The following MS4A14 variants were observed in gnomAD, a reference collection of about 807,000 sequenced individuals.
MS4A14 encodes membrane spanning 4-domains A14, also known as membrane-spanning 4-domains subfamily A member 14.
A neutral mutation model predicts 16.7 loss-of-function variants in MS4A14; 18 were observed. The ratio of observed to expected loss-of-function variants is 1.08; its 90% confidence interval spans 0.75 to 1.60. The LOEUF is 1.60. Ranked by LOEUF, MS4A14 falls within the 40% of genes most tolerant of loss-of-function variation. The pLI, the probability that MS4A14 is intolerant of heterozygous loss-of-function variation, is 0.00. For synonymous variants in MS4A14, 305 were observed against 289.4 expected, an observed-to-expected ratio of 1.05 and a Z score of -0.55; for missense variants, 812 against 775.3, an observed-to-expected ratio of 1.05 and a Z score of -0.56.
Position 60,396,716 on chromosome 11 carries a change from G to A in MS4A14, c.138G>A (p.Gly46=), listed in dbSNP as rs2085628018. ...TGAAGGGAGAGCCAAGAGTCTTGGGGGTAAGTCCTCTCCAGTCAATAGGTC... is the reference window on the plus strand; with the variant it reads ...TGAAGGGAGAGCCAAGAGTCTTGGGAGTAAGTCCTCTCCAGTCAATAGGTC... The part of the protein sequence containing the change: ...DFLKGEPRVL[G]ATQILLALII... Residue 46 remains glycine, a splice_region_variant and synonymous_variant, in exon 1 of 5, where the codon GGG becomes GGA. Transcript: ENST00000300187. 2 of 1,613,180 alleles carry A rather than the reference G, an allele frequency of 1.2e-6. No homozygotes were observed. Among genetic ancestry groups the A allele is most frequent in the Admixed American group, 1.7e-5 (1 of 59,896 alleles).
chr11:60,397,915 A>G lies in MS4A14; in HGVS notation c.202A>G (p.Ile68Val), dbSNP rs775629964. The change falls in exon 2 of 5, where the codon ATC becomes GTC. Residue 68 changes from isoleucine to valine, a missense_variant. Physicochemically the swap from Ile to Val is conservative, Grantham distance 29. Transcript: ENST00000300187. ...GFGTIFALNY[I>V]GFSQRLPLVV... ...TGGAACTATATTTGCACTTAATTACATCGGTTTCTCCCAAAGACTTCCCCT... is the reference window on the plus strand; with the variant it reads ...TGGAACTATATTTGCACTTAATTACGTCGGTTTCTCCCAAAGACTTCCCCT... 1 of 1,613,414 alleles carries G rather than the reference A, an allele frequency of 6.2e-7. No individual in the cohort carries two copies. The highest frequency in any genetic ancestry group is 8.5e-7 in the Non-Finnish European group (1 of 1,179,490).
chr11:60,405,877 C>T (rs2135135724), intron 4 of MS4A14: 1 of 1,512,994 alleles, frequency 6.6e-7, no homozygotes, highest in Non-Finnish European at 8.9e-7. Flanking sequence ...TATTTCTCCT[C>T]ATTATTTGCA....
intron 4 of MS4A14, among the ~76,000 whole-genome samples, chr11:60,408,889 A>T (rs930554870): frequency 3.9e-5 from 6 of 152,280 alleles, no homozygotes; most frequent in Non-Finnish European, 7.4e-5. Flanking sequence ...ATTGTTTTTC[A>T]CCTTCGTTGC....
Position 60,417,169 on chromosome 11 carries a change from TCAAGACACTCAAGA to T in MS4A14, c.*162_*175del. ...CAACAGCCCAACATAACCTAGAATGTCAAGACACTCAAGATAAAGACCAACAAGACCTTCAATCC... is the reference window on the plus strand; with the variant it reads ...CAACAGCCCAACATAACCTAGAATGTTAAAGACCAACAAGACCTTCAATCC... On this transcript the variant is annotated 3_prime_UTR_variant, in exon 5 of 5. Coordinates refer to ENST00000300187, the MANE Select transcript of MS4A14 (RefSeq NM_032597.5). 1 of 784,450 alleles carries T rather than the reference TCAAGACACTCAAGA, an allele frequency of 1.3e-6. No individual in the cohort carries two copies. Among genetic ancestry groups the T allele is most frequent in the Non-Finnish European group, 1.9e-6 (1 of 518,744 alleles). The allele number at this position is 784,450 out of a possible 1,614,324, so 48.6% of individuals were successfully genotyped here. A position where few individuals can be genotyped will look rare whatever the true frequency, so the allele number is the denominator to read the frequency against.
chr11:60,400,940 A>G (rs562779740), intron 3 of MS4A14, among the ~76,000 whole-genome samples: 7 of 152,198 alleles, frequency 4.6e-5, no homozygotes, highest in Admixed American at 4.6e-4. Flanking sequence ...ACCAAAACCA[A>G]TCCTAAGCTC....
At chr11:60,404,799 C>G in intron 4 of MS4A14, 1 of 290,204 alleles carries the variant, frequency 3.4e-6, no homozygotes, top group Non-Finnish European at 6.9e-6. Flanking sequence ...GCATAGCTCC[C>G]AATCCTTCTT....
At chr11:60,402,824 A>T in intron 3 of MS4A14, 88 bp from the exon 4 acceptor site, 2 of 1,313,554 alleles carry the variant, frequency 1.5e-6, no homozygotes, top group South Asian at 2.7e-5. Context: ...AAGTATCTGG[A>T]AAGATAAAAG....
intron 4 of MS4A14, among the ~76,000 whole-genome samples, chr11:60,411,821 A>G (rs911116661): frequency 6.6e-6 from 1 of 152,200 alleles, no homozygotes; most frequent in African/African-American, 2.4e-5. Flanking sequence ...CAGCAGTGAA[A>G]GAAAGCATTC....
At position 60,415,845 on chromosome 11, in the gene MS4A14, C is replaced by A. The variant is rs142839945; in HGVS notation, c.877C>A (p.Leu293Ile). The A allele has an allele frequency of 2.9e-5, 46 of 1,613,750 alleles. 1 individual carries two copies. In the South Asian group the frequency reaches 4.8e-4, roughly 17 times the overall value. ...IVQPSQMQTK[L>I]LQDQAASLQV... Reference sequence around the variant, plus strand: ...ACAACCTTCTCAAATGCAAACCAAGCTTCTGCAGGACCAAGCTGCGTCACT... The same window carrying A: ...ACAACCTTCTCAAATGCAAACCAAGATTCTGCAGGACCAAGCTGCGTCACT... The change falls in exon 5 of 5, where the codon CTT becomes ATT. Residue 293 changes from leucine (L) to isoleucine (I), a missense_variant. Transcript: ENST00000300187.
intron 4 of MS4A14, among the ~76,000 whole-genome samples, chr11:60,405,237 G>A (rs2085770134): frequency 6.6e-6 from 1 of 152,016 alleles, no homozygotes; most frequent in African/African-American, 2.4e-5. Context: ...GCACCACCAG[G>A]CCCAGCTAAT....
chr11:60,413,062 A>G (rs1190217071), intron 4 of MS4A14, among the ~76,000 whole-genome samples: 1 of 151,954 alleles, frequency 6.6e-6, no homozygotes, highest in Non-Finnish European at 1.5e-5. Context: ...CCTTATGCAT[A>G]CTTTGTTAAA....
At position 60,416,139 on chromosome 11, in the gene MS4A14, C is replaced by A. The variant is rs760082558; in HGVS notation, c.1171C>A (p.Pro391Thr). 6.2e-7 allele frequency: 1 copy of A among 1,611,418 alleles called. No homozygotes were observed. Among genetic ancestry groups the A allele is most frequent in the Non-Finnish European group, 8.5e-7 (1 of 1,178,836 alleles). Residue 391 changes from proline to threonine, a missense_variant, in exon 5 of 5, where the codon CCA becomes ACA. By Grantham distance (38) the Pro-to-Thr change is conservative. Transcript: ENST00000300187. ...CCTAGATATGCTATCTCAAGACACA[C>A]CATCCCACGCCATGCCACCTCAAGA... is the stretch of plus-strand genomic sequence containing the variant. ...QSLDMLSQDT[P>T]SHAMPPQDIP...
chr11:60,416,677 A>C lies in MS4A14; in HGVS notation c.1709A>C (p.Gln570Pro). 6.2e-7 allele frequency: 1 copy of C among 1,613,956 alleles called. No individual in the cohort carries two copies. Among genetic ancestry groups the C allele is most frequent in the African/African-American group, 1.3e-5 (1 of 75,052 alleles). ...QLPDQQAEDQ[Q>P]AKGEQYPEGQ... ...CCAGATCAGCAAGCTGAAGATCAGC[A>C]AGCCAAAGGGGAACAATACCCAGAA... The change falls in exon 5 of 5, where the codon CAA (glutamine) becomes CCA (proline). Residue 570 changes from glutamine (Q) to proline (P), a missense_variant. By Grantham distance (76) the Gln-to-Pro change is moderately conservative. Transcript: ENST00000300187.
At chr11:60,399,167 T>A (rs769774518) in intron 2 of MS4A14, among the ~76,000 whole-genome samples, 5 of 152,190 alleles carry the variant, frequency 3.3e-5, no homozygotes, top group Non-Finnish European at 5.9e-5. Context: ...AGACTAGACA[T>A]GAAAAAGTCA....
At chr11:60,406,865 ATAAG>A (rs2085793580) in intron 4 of MS4A14, among the ~76,000 whole-genome samples, 2 of 152,262 alleles carry the variant, frequency 1.3e-5, no homozygotes, top group East Asian at 1.9e-4. Context: ...TCATGGAATC[ATAAG>A]TAAGTACTCT....
At chr11:60,414,520 A>T (rs1306222642) in intron 4 of MS4A14, among the ~76,000 whole-genome samples, 1 of 152,146 alleles carries the variant, frequency 6.6e-6, no homozygotes, top group Non-Finnish European at 1.5e-5. Context: ...TCATGGAGTC[A>T]GAATAAAAAG....
intron 2 of MS4A14, 35 bp downstream of exon 2, chr11:60,398,015 G>T (rs529831562): frequency 2.8e-5 from 45 of 1,607,480 alleles, no homozygotes; most frequent in South Asian, 2.4e-4. Flanking sequence ...TGGAGAAATT[G>T]CTATAAAGAT....
At chr11:60,398,735 C>T (rs1228012367) in intron 2 of MS4A14, among the ~76,000 whole-genome samples, 1 of 152,210 alleles carries the variant, frequency 6.6e-6, no homozygotes, top group African/African-American at 2.4e-5. Context: ...CTATCTCTGA[C>T]TATTAAAAAT....
At chr11:60,396,775 A>T in intron 1 of MS4A14, 59 bp downstream of exon 1, 1 of 1,536,978 alleles carries the variant, frequency 6.5e-7, no homozygotes. Flanking sequence ...TTATTTATTC[A>T]TGTATGTCTG....
Sources: gnomAD v4.1 joint callset for allele counts (sites outside exome capture counted in the v4.1 genomes callset) on GRCh38, gnomAD v4.1.1 for gene constraint, MANE v1.5 for transcripts, NCBI Gene and HGNC (gene_info 2026-07-23, HGNC 2026-07-21) for gene names.